The following UNC119B variants were observed in gnomAD, a reference collection of about 807,000 sequenced individuals.
UNC119B encodes the protein unc-119 lipid binding chaperone B, also known as protein unc-119 homolog B.
A neutral mutation model predicts 23.4 loss-of-function variants in UNC119B; 16 were observed. That is an observed-to-expected ratio of 0.68 (90% CI 0.46 to 1.04). UNC119B has a LOEUF of 1.04. UNC119B is among the 50% of genes least tolerant of loss of function. The pLI is 0.00. For synonymous variants in UNC119B, 144 were observed against 145.4 expected (o/e 0.99, Z 0.07); for missense variants, 350 against 361.3 (o/e 0.97, Z 0.25).
chr12:120,714,159 G>A (rs1158352287), intron 2 of UNC119B, among the ~76,000 whole-genome samples: 2 of 152,128 alleles, frequency 1.3e-5, no homozygotes, highest in African/African-American at 4.8e-5. Flanking sequence ...TTACTTTGCA[G>A]TGTTTCTCAT....
intron 1 of UNC119B, 109 bp downstream of exon 1, chr12:120,710,827 GGCCGGCCGGGCCGCGCTTCCCGCTGCCCC>G (rs1882647920): frequency 9.2e-7 from 1 of 1,091,070 alleles, no homozygotes. Context: ...AGACCCCCTC[GGCCGGCCGGGCCGCGCTTCCCGCTGCCCC>G]GCCGGCCGGG....
chr12:120,716,801 G>T, intron 3 of UNC119B, 62 bp downstream of exon 3: 2 of 1,605,506 alleles, frequency 1.2e-6, no homozygotes, highest in Non-Finnish European at 1.7e-6. Flanking sequence ...GAGTGTTTTC[G>T]GTTGGGTTTT....
chr12:120,710,584 G>T lies in UNC119B; in HGVS notation c.110G>T (p.Arg37Leu). Residue 37 changes from arginine (R) to leucine (L), a missense_variant, in exon 1 of 5, where the codon CGC (arginine) becomes CTC (leucine). Coordinates refer to ENST00000344651, the MANE Select transcript of UNC119B (RefSeq NM_001080533.3). ...AAGGCGGGCGGCGGCGTCCTGAACC[G>T]CCTGAAGGCGCGGCGGCAGGCGCCC... The part of the protein sequence containing the change: ...KKKAGGGVLN[R>L]LKARRQAPHH... The T allele has an allele frequency of 2.1e-6, 3 of 1,425,672 alleles. No homozygotes were observed. Among genetic ancestry groups the T allele is most frequent in the Non-Finnish European group, 2.7e-6 (3 of 1,095,016 alleles). The allele number at this position is 1,425,672 out of a possible 1,614,324, so 88.3% of individuals were successfully genotyped here.
chr12:120,710,512 C>A lies in UNC119B; in HGVS notation c.38C>A (p.Ser13Ter). 2 of 1,363,926 alleles carry A rather than the reference C, an allele frequency of 1.5e-6. No homozygotes were observed. Among genetic ancestry groups the A allele is most frequent in the South Asian group, 1.8e-5 (1 of 56,538 alleles). The allele number at this position is 1,363,926 out of a possible 1,614,324, so 84.5% of individuals were successfully genotyped here. A position where few individuals can be genotyped will look rare whatever the true frequency, so the allele number is the denominator to read the frequency against. ...AACCCGAAGGCTGCGGCCGCGGCGTCGGCGGCTGGGCCCGGGGGGCTGGTG... is the reference window on the plus strand; with the variant it reads ...AACCCGAAGGCTGCGGCCGCGGCGTAGGCGGCTGGGCCCGGGGGGCTGGTG... ...GSNPKAAAAA[S>*]AAGPGGLVAG... The change falls in exon 1 of 5, where the codon TCG (serine) becomes TAG (stop). Residue 13 changes from serine (S) to a stop codon, truncating the protein, a stop_gained. Coordinates refer to ENST00000344651, the MANE Select transcript of UNC119B (RefSeq NM_001080533.3). LOFTEE classifies it high-confidence loss of function.
Position 120,717,044 on chromosome 12 carries a change from T to C in UNC119B, c.643+2T>C. The C allele has an allele frequency of 6.3e-7, 1 of 1,584,410 alleles. No individual in the cohort carries two copies. The highest frequency in any genetic ancestry group is 8.6e-7 in the Non-Finnish European group (1 of 1,164,398). ...TTCCCCAGCTTTCGGAGGATGTCAG[T>C]ATGTATCCCCTGACCCTTACAGCAC... On this transcript the variant is annotated splice_donor_variant, in intron 4 of 4. Coordinates refer to ENST00000344651, the MANE Select transcript of UNC119B (RefSeq NM_001080533.3). LOFTEE classifies it high-confidence loss of function.
At chr12:120,713,157 G>A in intron 1 of UNC119B, 117 bp from the exon 2 acceptor site, 1 of 742,740 alleles carries the variant, frequency 1.3e-6, no homozygotes, top group Non-Finnish European at 2.1e-6. Flanking sequence ...GTTTTTGGGA[G>A]TATTTTAAGT....
In UNC119B at chr12:120,716,909, C is replaced by G. The variant is rs763764003; in HGVS notation, c.510C>G (p.Phe170Leu). The change falls in exon 4 of 5, where the codon TTC becomes TTG. Residue 170 changes from phenylalanine (F) to leucine (L), a missense_variant. Phe to Leu is a conservative substitution (Grantham distance 22). Coordinates refer to ENST00000344651, the MANE Select transcript of UNC119B (RefSeq NM_001080533.3). ...TGGGAGACAAACCTGTTTCAAACTT[C>G]CGGATGATCGAACGGCACTATTTCC... Reference protein sequence around the residue: ...FTVGDKPVSNFRMIERHYFRE... With the variant: ...FTVGDKPVSNLRMIERHYFRE... 13 of 1,613,126 alleles carry G rather than the reference C, an allele frequency of 8.1e-6. No homozygotes were observed. In the African/African-American group the frequency reaches 1.2e-4, roughly 15 times the overall value.
At chr12:120,713,814 G>GC (rs1882717605) in intron 2 of UNC119B, among the ~76,000 whole-genome samples, 1 of 152,164 alleles carries the variant, frequency 6.6e-6, no homozygotes. Context: ...TGAGCCTGGT[G>GC]CCCTCTTGGA....
chr12:120,717,159 G>T lies in UNC119B; in HGVS notation c.643+117G>T, dbSNP rs143449081. The T allele has an allele frequency of 5.2e-4, 534 of 1,021,186 alleles. 1 individual carries two copies. The highest frequency in any genetic ancestry group is 6.9e-4 in the Non-Finnish European group (492 of 709,772). The allele number at this position is 1,021,186 out of a possible 1,614,324, so 63.3% of individuals were successfully genotyped here. ...TCTCGTGGCAGTGCTGACATGATGC[G>T]TATCTAGTCATTTGACCTCAGGCTT... is the stretch of plus-strand genomic sequence containing the variant. On this transcript the variant is annotated intron_variant, in intron 4 of 4. Coordinates refer to ENST00000344651, the MANE Select transcript of UNC119B (RefSeq NM_001080533.3).
chr12:120,712,729 G>GCATA (rs1882695427), intron 1 of UNC119B, among the ~76,000 whole-genome samples: 1 of 152,194 alleles, frequency 6.6e-6, no homozygotes, highest in Admixed American at 6.5e-5. Flanking sequence ...TCATTCATTT[G>GCATA]CGTATTGTCT....
intron 2 of UNC119B, among the ~76,000 whole-genome samples, chr12:120,714,945 C>G (rs1034219901): frequency 6.6e-6 from 1 of 152,060 alleles, no homozygotes; most frequent in Non-Finnish European, 1.5e-5. Context: ...TCTAGCACTT[C>G]GGGAGGCTGA....
At position 120,719,976 on chromosome 12, in the gene UNC119B, G is replaced by T; in HGVS notation, c.700G>T (p.Asp234Tyr). The change falls in exon 5 of 5, where the codon GAC (aspartate) becomes TAC (tyrosine). Residue 234 changes from aspartate (D) to tyrosine (Y), a missense_variant. Transcript: ENST00000344651. ...CCGCTCTGACAGCTTCTACTTTGTT[G>T]ACAACAAGCTGATAATGCACAACAA... ...ETRSDSFYFV[D>Y]NKLIMHNKAD... 6.2e-7 allele frequency: 1 copy of T among 1,614,110 alleles called. No homozygotes were observed. Among genetic ancestry groups the T allele is most frequent in the South Asian group, 1.1e-5 (1 of 91,068 alleles).
At chr12:120,718,424 AGGATAGAGAGTTGATT>A (rs1309687763) in intron 4 of UNC119B, among the ~76,000 whole-genome samples, 1 of 152,218 alleles carries the variant, frequency 6.6e-6, no homozygotes, top group Non-Finnish European at 1.5e-5. Context: ...CATTCCCTGC[AGGATAGAGAGTTGATT>A]GGATAAAGTG....
chr12:120,720,331 G>A lies in UNC119B; in HGVS notation c.*299G>A. 1 of 266,616 alleles carries A rather than the reference G, an allele frequency of 3.8e-6. No individual in the cohort carries two copies. Among genetic ancestry groups the A allele is most frequent in the East Asian group, 9.2e-5 (1 of 10,862 alleles). 16.5% of individuals were successfully genotyped at this position (266,616 alleles called of 1,614,324 possible). A position where few individuals can be genotyped will look rare whatever the true frequency, so the allele number is the denominator to read the frequency against. ...AAAAAGTTTATTTTCCGTAGTTCTG[G>A]CTGCCTGTTGGTTGTCTTGACGACC... On this transcript the variant is annotated 3_prime_UTR_variant, in exon 5 of 5. Transcript: ENST00000344651.
At position 120,720,173 on chromosome 12, in the gene UNC119B, C is replaced by T. The variant is rs1054564832; in HGVS notation, c.*141C>T. On this transcript the variant is annotated 3_prime_UTR_variant, in exon 5 of 5. Transcript: ENST00000344651. ...AAGGCTGGGGTGGCAGTTTCCTGCG[C>T]GCCAAAGGAGCTGCCAAACAGTGCT... 2.0e-5 allele frequency: 13 copies of T among 637,060 alleles called. 1 individual carries two copies. The highest frequency in any genetic ancestry group is 7.4e-5 in the African/African-American group (4 of 54,284). 39.5% of individuals were successfully genotyped at this position (637,060 alleles called of 1,614,324 possible).
At chr12:120,718,151 A>AAT (rs770409988) in intron 4 of UNC119B, among the ~76,000 whole-genome samples, 6 of 152,178 alleles carry the variant, frequency 3.9e-5, no homozygotes, top group Non-Finnish European at 5.9e-5. Flanking sequence ...TACAGGCTTG[A>AAT]GCCACTGCGC....
At chr12:120,714,865 A>G (rs555326157) in intron 2 of UNC119B, among the ~76,000 whole-genome samples, 1 of 152,184 alleles carries the variant, frequency 6.6e-6, no homozygotes, top group South Asian at 2.1e-4. Flanking sequence ...TAGTTTTTAC[A>G]TTTAAGGATC....
At chr12:120,719,322 C>G (rs930758277) in intron 4 of UNC119B, among the ~76,000 whole-genome samples, 4 of 152,250 alleles carry the variant, frequency 2.6e-5, no homozygotes, top group African/African-American at 4.8e-5. Flanking sequence ...CCTGAACAAA[C>G]AAGACTTTAC....
intron 4 of UNC119B, among the ~76,000 whole-genome samples, chr12:120,718,497 G>A (rs551536829): frequency 1.3e-5 from 2 of 152,280 alleles, no homozygotes; most frequent in Admixed American, 1.3e-4. Context: ...TAGATTTTGG[G>A]GCAGGAGTGA....
Sources: gnomAD v4.1 joint callset for allele counts (sites outside exome capture counted in the v4.1 genomes callset) on GRCh38, gnomAD v4.1.1 for gene constraint, MANE v1.5 for transcripts, NCBI Gene and HGNC (gene_info 2026-07-23, HGNC 2026-07-21) for gene names.